Variants in CRADD observed in about 807,000 individuals in gnomAD.
CRADD encodes CARD and death domain containing adaptor protein, also known as death domain-containing protein CRADD.
A neutral mutation model predicts 15.5 loss-of-function variants in CRADD; 9 were observed. The ratio of observed to expected loss-of-function variants is 0.58; its 90% confidence interval spans 0.35 to 1.01. CRADD has a LOEUF of 1.01. CRADD is among the 50% of genes least tolerant of loss of function. The pLI, the probability that CRADD is intolerant of heterozygous loss-of-function variation, is 0.02. For synonymous variants in CRADD, 118 were observed against 107.6 expected (o/e 1.10, Z -0.60); for missense variants, 227 against 250.3 (o/e 0.91, Z 0.63).
chr12:93,709,178 A>G (rs535927174), intron 2 of CRADD: 51 of 152,272 alleles, frequency 3.3e-4, no homozygotes, highest in African/African-American at 1.2e-3. Flanking sequence ...TTATTTTACA[A>G]CTCTGAGTCC....
intron 2 of CRADD, among the ~76,000 whole-genome samples, chr12:93,742,290 C>T (rs895996696): frequency 2.0e-5 from 3 of 152,252 alleles, no homozygotes; most frequent in Non-Finnish European, 2.9e-5. Context: ...TTCTAGGGAA[C>T]CCGGCTCTTT....
intron 2 of CRADD, among the ~76,000 whole-genome samples, chr12:93,729,962 C>T (rs1323045864): frequency 3.3e-5 from 5 of 152,070 alleles, no homozygotes; most frequent in East Asian, 1.9e-4. Context: ...GCATTCTCCA[C>T]GACAAAATCA....
At chr12:93,873,222 CAT>C (rs1565945489) in intron 2 of CRADD, among the ~76,000 whole-genome samples, 2 of 140,584 alleles carry the variant, frequency 1.4e-5, no homozygotes, top group African/African-American at 5.0e-5. Flanking sequence ...TAACTGTTGG[CAT>C]ATAGAAACAC....
At chr12:93,766,327 G>A (rs1957026902) in intron 2 of CRADD, among the ~76,000 whole-genome samples, 1 of 152,186 alleles carries the variant, frequency 6.6e-6, no homozygotes, top group Non-Finnish European at 1.5e-5. Flanking sequence ...CCATTGCAAT[G>A]TCTTTTACTA....
At position 93,678,834 on chromosome 12, in the gene CRADD, A is replaced by G. The variant is rs758778594; in HGVS notation, c.60A>G (p.Val20=). The G allele has an allele frequency of 6.2e-7, 1 of 1,614,206 alleles. No individual in the cohort carries two copies. The highest frequency in any genetic ancestry group is 1.3e-5 in the African/African-American group (1 of 75,056). The part of the protein sequence containing the change: ...RSLRLELGAE[V]LVEGLVLQYL... ...TTCGCCTGGAGCTGGGTGCAGAGGT[A>G]TTGGTGGAGGGACTGGTTCTTCAGT... is the stretch of plus-strand genomic sequence containing the variant. The change falls in exon 2 of 3, where the codon GTA becomes GTG. Residue 20 remains valine (V), a synonymous_variant. Coordinates refer to ENST00000332896, the MANE Select transcript of CRADD (RefSeq NM_003805.5).
chr12:93,756,749 A>C (rs1415611592), intron 2 of CRADD, among the ~76,000 whole-genome samples: 3 of 152,244 alleles, frequency 2.0e-5, no homozygotes, highest in Non-Finnish European at 4.4e-5. Flanking sequence ...ATAAGAGCTT[A>C]CAAGAACATG....
chr12:93,794,531 A>G (rs1362266524), intron 2 of CRADD, among the ~76,000 whole-genome samples: 2 of 151,974 alleles, frequency 1.3e-5, no homozygotes, highest in South Asian at 2.1e-4. Flanking sequence ...ACCTATTGTC[A>G]TATCTCCAAA....
At chr12:93,867,977 A>G (rs997973093) in intron 2 of CRADD, among the ~76,000 whole-genome samples, 1 of 152,196 alleles carries the variant, frequency 6.6e-6, no homozygotes, top group Non-Finnish European at 1.5e-5. Context: ...AAATGCTATG[A>G]GCATGTTTGT....
At chr12:93,880,234 G>A (rs1958487402) in intron 2 of CRADD, among the ~76,000 whole-genome samples, 1 of 152,210 alleles carries the variant, frequency 6.6e-6, no homozygotes, top group African/African-American at 2.4e-5. Context: ...GATCTGGAAA[G>A]GAGAAAGCAT....
intron 2 of CRADD, among the ~76,000 whole-genome samples, chr12:93,804,345 T>A (rs527263129): frequency 6.6e-6 from 1 of 152,250 alleles, no homozygotes; most frequent in Admixed American, 6.6e-5. Flanking sequence ...AATGCACACA[T>A]TTAGTCAGTC....
intron 2 of CRADD, among the ~76,000 whole-genome samples, chr12:93,887,323 A>T (rs564940137): frequency 6.4e-4 from 97 of 152,350 alleles, no homozygotes; most frequent in Admixed American, 1.2e-3. Flanking sequence ...ACTTTTAATG[A>T]CAGGCTTTTA....
chr12:93,745,371 T>C (rs1056755529), intron 2 of CRADD, among the ~76,000 whole-genome samples: 1 of 152,208 alleles, frequency 6.6e-6, no homozygotes, highest in Non-Finnish European at 1.5e-5. Flanking sequence ...CAGAAAATGT[T>C]TGGCTTTTAG....
chr12:93,729,180 C>CT (rs1471981948), intron 2 of CRADD, among the ~76,000 whole-genome samples: 3 of 152,160 alleles, frequency 2.0e-5, no homozygotes, highest in Non-Finnish European at 4.4e-5. Context: ...ACAAAAGACT[C>CT]TGTTTTCAGA....
At chr12:93,822,160 A>G (rs941433810) in intron 2 of CRADD, among the ~76,000 whole-genome samples, 1 of 152,092 alleles carries the variant, frequency 6.6e-6, no homozygotes, top group African/African-American at 2.4e-5. Context: ...AGTGGCACAA[A>G]AAGAATTGAA....
intron 2 of CRADD, among the ~76,000 whole-genome samples, chr12:93,890,880 A>G (rs1247582710): frequency 2.0e-5 from 3 of 150,672 alleles, no homozygotes; most frequent in African/African-American, 7.3e-5. Flanking sequence ...CTCCCAAGTA[A>G]TTGGGACTAC....
chr12:93,720,824 G>T (rs1203424197), intron 2 of CRADD, among the ~76,000 whole-genome samples: 1 of 152,120 alleles, frequency 6.6e-6, no homozygotes, highest in African/African-American at 2.4e-5. Context: ...ACTTTTTGTA[G>T]ACCACATATG....
intron 2 of CRADD, among the ~76,000 whole-genome samples, chr12:93,736,118 C>T (rs956636169): frequency 6.6e-6 from 1 of 152,068 alleles, no homozygotes; most frequent in Non-Finnish European, 1.5e-5. Flanking sequence ...TTTAAGCTCC[C>T]CTTTTTTTGC....
intron 2 of CRADD, among the ~76,000 whole-genome samples, chr12:93,878,068 A>G (rs1049820318): frequency 6.6e-6 from 1 of 152,130 alleles, no homozygotes; most frequent in Non-Finnish European, 1.5e-5. Context: ...TTAGTAGGTG[A>G]TGAATGCTGC....
chr12:93,816,881 A>G (rs1201044998), intron 2 of CRADD, among the ~76,000 whole-genome samples: 1 of 152,178 alleles, frequency 6.6e-6, no homozygotes, highest in Non-Finnish European at 1.5e-5. Flanking sequence ...GGTTTCTGCT[A>G]AGACTTACTT....
Sources: gnomAD v4.1 joint callset for allele counts (sites outside exome capture counted in the v4.1 genomes callset) on GRCh38, gnomAD v4.1.1 for gene constraint, MANE v1.5 for transcripts, NCBI Gene and HGNC (gene_info 2026-07-23, HGNC 2026-07-21) for gene names.